NEDD9: variants seen among roughly 807,000 people sequenced by gnomAD.
The protein encoded by NEDD9 is neural precursor cell expressed, developmentally down-regulated 9, also known as enhancer of filamentation 1.
NEDD9 carries 26 observed loss-of-function variants against 76.6 expected under a neutral mutation model. The observed-to-expected ratio is 0.34, with a 90% CI of 0.25 to 0.47. The LOEUF (loss-of-function observed/expected upper bound fraction) is 0.47. Ranked by LOEUF, NEDD9 falls within the 20% of genes least tolerant of loss-of-function variation. The pLI is 1.00. For missense variants in NEDD9, 937 were observed against 1,058.5 expected (o/e 0.89, Z 1.59); for synonymous variants, 392 against 414.2 (o/e 0.95, Z 0.65).
chr6:11,380,184 A>G lies in NEDD9; in HGVS notation c.-214+1955T>C, dbSNP rs114029739. On this transcript the variant is annotated intron_variant, in intron 1 of 3. Coordinates refer to the NEDD9 transcript ENST00000397378. ...AGGTCAAATGGAGATGGAGCTGATCATTGGAAAACAGACGACTAAACTCTT... is the reference window on the plus strand; with the variant it reads ...AGGTCAAATGGAGATGGAGCTGATCGTTGGAAAACAGACGACTAAACTCTT... Among the ~76,000 whole-genome samples, 365 of 152,378 alleles carry G rather than the reference A, an allele frequency of 2.4e-3. 4 individuals are homozygous for G. The highest frequency in any genetic ancestry group is 8.2e-3 in the African/African-American group (341 of 41,586).
rs115899300 is a variant in NEDD9 at position 11,305,839 on chromosome 6, G to C, written c.12+153C>G. The stretch of plus-strand genomic sequence containing the variant: ...AAAATTCACCTAACAGCAAAATCTG[G>C]CAGTCTAAACTTAACAGTATTTTCC... On this transcript the variant is annotated intron_variant, in intron 3 of 3. Transcript: ENST00000397378. 5.6e-6 allele frequency: 5 copies of C among 886,266 alleles called. No homozygotes were observed. In the Admixed American group the frequency reaches 1.1e-4, roughly 19 times the overall value. The allele number at this position is 886,266 out of a possible 1,614,324, so 54.9% of individuals were successfully genotyped here.
Position 11,356,381 on chromosome 6 carries a change from T to A in NEDD9, c.-213-21820A>T, listed in dbSNP as rs1762575930. ...GGGATCTGTATTTTTACAAAATCTT[T>A]GCAGGTGACATACATATAAATTATT... is the stretch of plus-strand genomic sequence containing the variant. On this transcript the variant is annotated intron_variant, in intron 1 of 3. Transcript: ENST00000397378. Among the ~76,000 whole-genome samples, 5 of 152,238 alleles carry A rather than the reference T, an allele frequency of 3.3e-5. No individual in the cohort carries two copies. In the South Asian group the frequency reaches 1.0e-3, roughly 32 times the overall value.
intron 3 of NEDD9, among the ~76,000 whole-genome samples, chr6:11,302,182 A>G (rs1000078602): frequency 9.2e-5 from 14 of 152,318 alleles, no homozygotes; most frequent in African/African-American, 3.4e-4. Flanking sequence ...GATAAAGGGG[A>G]TATCACCACT....
intron 3 of NEDD9, among the ~76,000 whole-genome samples, chr6:11,275,565 C>CACACACACATAT (rs551632582): frequency 1.9e-4 from 29 of 150,286 alleles, no homozygotes; most frequent in African/African-American, 6.6e-4. Context: ...CACACACACA[C>CACACACACATAT]ATATATATAT....
chr6:11,209,827 A>T (rs1221812271), intron 2 of NEDD9, among the ~76,000 whole-genome samples: 2 of 152,096 alleles, frequency 1.3e-5, no homozygotes, highest in African/African-American at 4.8e-5. Flanking sequence ...AAGGGTGGGG[A>T]TTTTATGACT....
intron 5 of NEDD9, among the ~76,000 whole-genome samples, chr6:11,189,683 C>T (rs531925639): frequency 6.6e-6 from 1 of 152,204 alleles, no homozygotes; most frequent in Admixed American, 6.5e-5. Context: ...CAACCCCTTA[C>T]CCCATTCATT....
At chr6:11,307,683 T>A (rs73721557) in intron 2 of NEDD9, among the ~76,000 whole-genome samples, 5,339 of 152,238 alleles carry the variant, frequency 0.035, 191 homozygotes, top group African/African-American at 0.087. Flanking sequence ...TACTGGGAAA[T>A]ATAACACACA....
At chr6:11,215,004 CA>C (rs1442267253) in intron 1 of NEDD9, among the ~76,000 whole-genome samples, 1 of 152,188 alleles carries the variant, frequency 6.6e-6, no homozygotes, top group Non-Finnish European at 1.5e-5. Context: ...CTTGATCATT[CA>C]GCCTCGTGCT....
Position 11,190,676 on chromosome 6 carries a change from T to A in NEDD9, c.1193A>T (p.Gln398Leu), listed in dbSNP as rs1758115263. 6.2e-7 allele frequency: 1 copy of A among 1,614,138 alleles called. No individual in the cohort carries two copies. The highest frequency in any genetic ancestry group is 8.5e-7 in the Non-Finnish European group (1 of 1,180,022). ...KESSLSASPAQDKRLFLDPDT... is the reference protein window; with the variant it reads ...KESSLSASPALDKRLFLDPDT... ...TGGATCCAGGAAGAGCCTTTTGTCCTGAGCTGGGGAGGCTGACAGTGAGGA... is the reference window on the plus strand; with the variant it reads ...TGGATCCAGGAAGAGCCTTTTGTCCAGAGCTGGGGAGGCTGACAGTGAGGA... The change falls in exon 5 of 7, where the codon CAG becomes CTG. Residue 398 changes from glutamine (Q) to leucine (L), a missense_variant. By Grantham distance (113) the Gln-to-Leu change is moderately radical. Transcript: ENST00000379446. This position sits in a 1 kb window ranked among gnomAD's most constrained non-coding sequence, Gnocchi z 5.8.
chr6:11,307,797 C>T (rs1210441349), intron 2 of NEDD9, among the ~76,000 whole-genome samples: 2 of 152,146 alleles, frequency 1.3e-5, no homozygotes, highest in Non-Finnish European at 2.9e-5. Flanking sequence ...CAGAAGCTTT[C>T]CAAGAGCCCT....
chr6:11,323,762 G>T (rs191491689), intron 2 of NEDD9, among the ~76,000 whole-genome samples: 1 of 152,338 alleles, frequency 6.6e-6, no homozygotes, highest in East Asian at 1.9e-4. Flanking sequence ...TTCCGCTGTG[G>T]TGTTGCAAAG....
chr6:11,245,239 A>G (rs1353305142), intron 3 of NEDD9, among the ~76,000 whole-genome samples: 1 of 152,228 alleles, frequency 6.6e-6, no homozygotes, highest in African/African-American at 2.4e-5. Flanking sequence ...CTTATGTATT[A>G]GGAACATTCC....
chr6:11,208,177 C>CAA (rs201241404), intron 2 of NEDD9, among the ~76,000 whole-genome samples: 7 of 64,010 alleles, frequency 1.1e-4, no homozygotes, highest in East Asian at 9.2e-4. Flanking sequence ...GACCCTGACT[C>CAA]AAAAAAAAAA....
intron 1 of NEDD9, among the ~76,000 whole-genome samples, chr6:11,228,778 T>C (rs1366056785): frequency 6.6e-6 from 1 of 152,132 alleles, no homozygotes; most frequent in Non-Finnish European, 1.5e-5. Context: ...TGCAAATGGG[T>C]TTACTAAATA....
intron 2 of NEDD9, chr6:11,199,730 G>C (rs1393594308): frequency 8.4e-6 from 1 of 119,178 alleles, no homozygotes; most frequent in Non-Finnish European, 1.6e-5. Flanking sequence ...GTGAGATCTC[G>C]GCTCACCGCA....
Position 11,183,813 on chromosome 6 carries a change from G to C in NEDD9, c.*1349C>G, listed in dbSNP as rs981003482. Reference sequence around the variant, plus strand: ...AATAAAAATGCTAAATAAGAACTGGGCCAAAAGATCATAGATAATGTGCTT... The same window carrying C: ...AATAAAAATGCTAAATAAGAACTGGCCCAAAAGATCATAGATAATGTGCTT... On this transcript the variant is annotated 3_prime_UTR_variant, in exon 7 of 7. Coordinates refer to ENST00000379446, the MANE Select transcript of NEDD9 (RefSeq NM_006403.4). 2 of 152,178 alleles carry C rather than the reference G, an allele frequency of 1.3e-5. No homozygotes were observed. The highest frequency in any genetic ancestry group is 2.9e-5 in the Non-Finnish European group (2 of 68,024). The allele number at this position is 152,178 out of a possible 1,614,324, so 9.4% of individuals were successfully genotyped here.
At chr6:11,340,545 TAAAG>T (rs938170091) in intron 1 of NEDD9, among the ~76,000 whole-genome samples, 1 of 152,150 alleles carries the variant, frequency 6.6e-6, no homozygotes, top group Non-Finnish European at 1.5e-5. Context: ...TGTATAGAAA[TAAAG>T]AAAGACAGTT....
At chr6:11,188,847 A>G (rs1169119257) in intron 5 of NEDD9, among the ~76,000 whole-genome samples, 3 of 152,182 alleles carry the variant, frequency 2.0e-5, no homozygotes, top group Admixed American at 6.5e-5. Flanking sequence ...ATTTGGCATA[A>G]TAGTTACGTA....
chr6:11,250,613 C>T (rs1321151353), intron 3 of NEDD9, among the ~76,000 whole-genome samples: 2 of 152,136 alleles, frequency 1.3e-5, no homozygotes, highest in Admixed American at 6.5e-5. Context: ...CAGTGGGAAT[C>T]GCTCCTCCCC....
Sources: allele counts gnomAD v4.1 joint callset (sites outside exome capture counted in the v4.1 genomes callset), GRCh38; gene constraint gnomAD v4.1.1; non-coding constraint Gnocchi (gnomAD v3.1); transcripts MANE v1.5; gene names NCBI Gene and HGNC (gene_info 2026-07-23, HGNC 2026-07-21).